Variants in CASP2 observed in about 807,000 individuals in gnomAD.
The protein encoded by CASP2 is caspase 2.
Under a neutral mutation model 54.4 loss-of-function variants are expected in CASP2, and 38 were observed. That is an observed-to-expected ratio of 0.70 (90% CI 0.54 to 0.92). The LOEUF is 0.92. Among genes scored for constraint, CASP2 ranks in the 40% least tolerant of loss-of-function variants. The probability of loss-of-function intolerance (pLI) is 0.00; values close to 1 mark genes in which losing one functional copy is unlikely to be tolerated. For missense variants in CASP2, 512 were observed against 579.6 expected, an observed-to-expected ratio of 0.88 and a Z score of 1.20; for synonymous variants, 215 against 216.3, an observed-to-expected ratio of 0.99 and a Z score of 0.05.
In CASP2 at chr7:143,304,711, G is replaced by A. The variant is rs776605326; in HGVS notation, c.1155G>A (p.Trp385Ter). 6.2e-7 allele frequency: 1 copy of A among 1,614,194 alleles called. No homozygotes were observed. Among genetic ancestry groups the A allele is most frequent in the Non-Finnish European group, 8.5e-7 (1 of 1,180,042 alleles). The change falls in exon 10 of 11, where the codon TGG (tryptophan) becomes TGA (stop). Residue 385 changes from tryptophan to a stop codon, truncating the protein, a stop_gained. Transcript: ENST00000310447. LOFTEE classifies it high-confidence loss of function. ...AAMRNTKRGS[W>*]YIEALAQVFS... ...TGCGGAACACCAAACGAGGTTCCTGGTACATCGAGGCTCTTGCTCAAGTGT... is the reference window on the plus strand; with the variant it reads ...TGCGGAACACCAAACGAGGTTCCTGATACATCGAGGCTCTTGCTCAAGTGT...
In CASP2 at chr7:143,304,957, G is replaced by A; in HGVS notation, c.1245G>A (p.Lys415=). The change falls in exon 11 of 11, where the codon AAG becomes AAA. Residue 415 remains lysine, a synonymous_variant. Transcript: ENST00000310447. ...CCCTCCAGGTGAACGCACTTATCAA[G>A]GATCGGGAAGGTTATGCTCCTGGCA... ...DMLVKVNALI[K]DREGYAPGTE... 1 of 1,614,204 alleles carries A rather than the reference G, an allele frequency of 6.2e-7. No homozygotes were observed. The highest frequency in any genetic ancestry group is 1.1e-5 in the South Asian group (1 of 91,084).
intron 1 of CASP2, chr7:143,290,768 G>A (rs1181334946): frequency 1.3e-5 from 2 of 152,534 alleles, no homozygotes; most frequent in East Asian, 1.9e-4. Context: ...CTGGGAGTCA[G>A]GGTCCACCAG....
intron 1 of CASP2, 81 bp downstream of exon 1, chr7:143,288,610 C>T: frequency 7.8e-7 from 1 of 1,276,188 alleles, no homozygotes; most frequent in Non-Finnish European, 1.1e-6. Context: ...GCCCTGCAGC[C>T]CCCTCCCCTC....
Position 143,305,635 on chromosome 7 carries a change from C to A in CASP2, c.*564C>A, listed in dbSNP as rs1802041890. On this transcript the variant is annotated 3_prime_UTR_variant, in exon 11 of 11. Transcript: ENST00000310447. ...TGTCCAGAAGCGGCCTGTGCGTTCCCTTCAGTACTGCAGCGCCACCCAGTG... is the reference window on the plus strand; with the variant it reads ...TGTCCAGAAGCGGCCTGTGCGTTCCATTCAGTACTGCAGCGCCACCCAGTG... The A allele has an allele frequency of 5.2e-6, 1 of 192,288 alleles. No homozygotes were observed. Among genetic ancestry groups the A allele is most frequent in the Non-Finnish European group, 1.1e-5 (1 of 90,900 alleles). 11.9% of individuals were successfully genotyped at this position (192,288 alleles called of 1,614,324 possible). A position where few individuals can be genotyped will look rare whatever the true frequency, so the allele number is the denominator to read the frequency against.
At chr7:143,300,586 T>C (rs1206255161) in intron 8 of CASP2, 2 of 1,446,464 alleles carry the variant, frequency 1.4e-6, no homozygotes, top group African/African-American at 2.8e-5. Context: ...TCTTACTCTT[T>C]TCTGTGCTTC....
rs112737755 is a variant in CASP2, at chr7:143,293,858, G to C, written c.476-372G>C. Among the ~76,000 whole-genome samples, 756 of 152,250 alleles carry C rather than the reference G, an allele frequency of 5.0e-3. 7 individuals carry two copies. The highest frequency in any genetic ancestry group is 0.016 in the African/African-American group (672 of 41,530). ...AGATAACAGTTTTTGTGATAATTGG[G>C]CCTTTGAGTAGCATGTATGGGCAGG... On this transcript the variant is annotated intron_variant, in intron 4 of 10. Transcript: ENST00000310447.
chr7:143,296,160 T>G lies in CASP2; in HGVS notation c.747+1387T>G, dbSNP rs4647309. The stretch of plus-strand genomic sequence containing the variant: ...GCTGTTTTCTCAGAGACTGTCAGAT[T>G]TGGTGAGTTTATGAGCTCACTTCAT... On this transcript the variant is annotated intron_variant, in intron 6 of 10. Transcript: ENST00000310447. Among the ~76,000 whole-genome samples the G allele has an allele frequency of 5.0e-3, 767 of 152,328 alleles. 3 individuals carry two copies. Among genetic ancestry groups the G allele is most frequent in the Admixed American group, 0.014 (209 of 15,300 alleles).
At chr7:143,304,891 C>A (rs773710084) in intron 10 of CASP2, 49 bp from the exon 11 acceptor site, 17 of 1,613,998 alleles carry the variant, frequency 1.1e-5, no homozygotes, top group Non-Finnish European at 1.3e-5. Context: ...TGCTGCTCTC[C>A]TGAAGCCCGA....
At position 143,294,603 on chromosome 7, in the gene CASP2, A is replaced by G. The variant is rs758522722; in HGVS notation, c.577A>G (p.Arg193Gly). 5.1e-5 allele frequency: 83 copies of G among 1,613,994 alleles called. No individual in the cohort carries two copies. Among genetic ancestry groups the G allele is most frequent in the Non-Finnish European group, 6.9e-5 (81 of 1,179,998 alleles). The change falls in exon 6 of 11, where the codon AGG becomes GGG. Residue 193 changes from arginine to glycine, a missense_variant. Coordinates refer to ENST00000310447, the MANE Select transcript of CASP2 (RefSeq NM_032982.4). Reference protein sequence around the residue: ...FYQTHFQLAYRLQSRPRGLAL... With the variant: ...FYQTHFQLAYGLQSRPRGLAL... Reference sequence around the variant, plus strand: ...ACTGGCCTCTCCTCCACAGGCATATAGGTTGCAGTCTCGGCCTCGTGGCCT... The same window carrying G: ...ACTGGCCTCTCCTCCACAGGCATATGGGTTGCAGTCTCGGCCTCGTGGCCT...
chr7:143,291,346 A>G (rs1207689290), intron 1 of CASP2, among the ~76,000 whole-genome samples, 194 bp from the exon 2 acceptor site: 3 of 152,258 alleles, frequency 2.0e-5, no homozygotes, highest in African/African-American at 7.2e-5. Context: ...ACCATAAGGA[A>G]TTAGACATTA....
At chr7:143,293,462 A>G (rs571389238) in intron 4 of CASP2, among the ~76,000 whole-genome samples, 27 of 151,364 alleles carry the variant, frequency 1.8e-4, no homozygotes, top group Non-Finnish European at 3.2e-4. Flanking sequence ...GTTGTCAGTA[A>G]ATTTGTTAAG....
chr7:143,292,194 G>A, intron 2 of CASP2, 106 bp from the exon 3 acceptor site: 1 of 1,158,470 alleles, frequency 8.6e-7, no homozygotes, highest in Admixed American at 1.9e-5. Context: ...CACTTTTCCT[G>A]TAAAAAGAAT....
intron 1 of CASP2, among the ~76,000 whole-genome samples, chr7:143,290,385 G>C (rs1204018614): frequency 6.6e-6 from 1 of 152,070 alleles, no homozygotes; most frequent in Non-Finnish European, 1.5e-5. Context: ...TAACACCTTA[G>C]AAATCAGAAT....
intron 1 of CASP2, among the ~76,000 whole-genome samples, chr7:143,289,121 T>C (rs2116755593): frequency 1.3e-5 from 2 of 152,298 alleles, no homozygotes; most frequent in Middle Eastern, 6.8e-3. Context: ...ATGGCAGTCA[T>C]CACCCAGGAG....
Position 143,300,254 on chromosome 7 carries a change from G to T in CASP2, c.927G>T (p.Gln309His). The change falls in exon 8 of 11, where the codon CAG (glutamine) becomes CAT (histidine). Residue 309 changes from glutamine to histidine, a missense_variant. Gln to His is a conservative substitution (Grantham distance 24, BLOSUM62 0). Transcript: ENST00000310447. ...LFDNANCPSL[Q>H]NKPKMFFIQA... ...ACAACGCCAACTGCCCAAGCCTACA[G>T]AACAAACCAAAAATGTTCTTCATCC... 6.2e-7 allele frequency: 1 copy of T among 1,614,128 alleles called. No individual in the cohort carries two copies. Among genetic ancestry groups the T allele is most frequent in the Non-Finnish European group, 8.5e-7 (1 of 1,180,036 alleles).
chr7:143,303,966 C>G, intron 9 of CASP2, 33 bp downstream of exon 9: 1 of 1,552,664 alleles, frequency 6.4e-7, no homozygotes, highest in Non-Finnish European at 8.7e-7. Context: ...TGAGTCATAC[C>G]TCATTTTGTT....
rs1801560918 is a variant in CASP2 at position 143,291,604 on chromosome 7, C to G, written c.139C>G (p.Leu47Val). 6.2e-7 allele frequency: 1 copy of G among 1,613,780 alleles called. No homozygotes were observed. The highest frequency in any genetic ancestry group is 8.5e-7 in the Non-Finnish European group (1 of 1,179,880). The change falls in exon 2 of 11, where the codon CTA becomes GTA. Residue 47 changes from leucine to valine, a missense_variant. By Grantham distance (32) the Leu-to-Val change is conservative (BLOSUM62 1). This residue lies in a region of CASP2 where 89 missense variants were observed against 67.1 expected (regional missense o/e 1.33). Coordinates refer to ENST00000310447, the MANE Select transcript of CASP2 (RefSeq NM_032982.4). ...QETLKKNRVV[L>V]AKQLLLSELL... ...AACTCTAAAAAAGAACCGAGTGGTGCTAGCCAAACAGCTGTTGTTGAGCGA... is the reference window on the plus strand; with the variant it reads ...AACTCTAAAAAAGAACCGAGTGGTGGTAGCCAAACAGCTGTTGTTGAGCGA...
chr7:143,290,055 CTTTTTTT>C (rs35440867), intron 1 of CASP2, among the ~76,000 whole-genome samples: 2 of 114,522 alleles, frequency 1.7e-5, no homozygotes, highest in African/African-American at 7.5e-5. Context: ...TTTTCCCTCC[CTTTTTTT>C]TTTTTTTTTT....
Position 143,288,480 on chromosome 7 carries a change from T to C in CASP2, c.25T>C (p.Trp9Arg). 1.2e-6 allele frequency: 2 copies of C among 1,613,276 alleles called. No individual in the cohort carries two copies. The highest frequency in any genetic ancestry group is 3.3e-5 in the Admixed American group (2 of 60,020). ...AATGGCGGCGCCGAGCGCGGGGTCT[T>C]GGTCCACCTTCCAGCACAAGGAGCT... MAAPSAGSWSTFQHKELMA... is the reference protein window; with the variant it reads MAAPSAGSRSTFQHKELMA... Residue 9 changes from tryptophan (W) to arginine (R), a missense_variant, in exon 1 of 11, where the codon TGG becomes CGG. Around this residue, in one of 3 missense-constraint regions of CASP2, gnomAD observed 89 missense variants for 67.1 expected, o/e 1.33. Coordinates refer to ENST00000310447, the MANE Select transcript of CASP2 (RefSeq NM_032982.4).
Sources: allele counts gnomAD v4.1 joint callset (sites outside exome capture counted in the v4.1 genomes callset), GRCh38; gene constraint gnomAD v4.1.1; regional missense constraint gnomAD v4.1.1; transcripts MANE v1.5; gene names NCBI Gene and HGNC (gene_info 2026-07-23, HGNC 2026-07-21).